The following LAMC3 variants were observed in gnomAD, a reference collection of about 807,000 sequenced individuals.
The protein encoded by LAMC3 is laminin subunit gamma 3.
Under a neutral mutation model 173.8 loss-of-function variants are expected in LAMC3, and 128 were observed. The observed-to-expected ratio is 0.74, with a 90% CI of 0.64 to 0.85. The LOEUF is 0.85. Ranked by LOEUF, LAMC3 falls within the 40% of genes least tolerant of loss-of-function variation. LAMC3 has a pLI of 0.00. For synonymous variants in LAMC3, 897 were observed against 909.1 expected (o/e 0.99, Z 0.24); for missense variants, 2,022 against 2,156.0 (o/e 0.94, Z 1.23).
At chr9:131,089,234 T>C (rs1188895151) in intron 27 of LAMC3, among the ~76,000 whole-genome samples, 1 of 150,848 alleles carries the variant, frequency 6.6e-6, no homozygotes, top group Non-Finnish European at 1.5e-5. Context: ...AAATGACCAG[T>C]TAATGGGTGC....
Position 131,085,586 on chromosome 9 carries a change from G to A in LAMC3, c.4093G>A (p.Val1365Ile), listed in dbSNP as rs148481163. 182 of 1,613,998 alleles carry A rather than the reference G, an allele frequency of 1.1e-4. No individual in the cohort carries two copies. Among genetic ancestry groups the A allele is most frequent in the African/African-American group, 1.5e-4 (11 of 74,928 alleles). The change falls in exon 25 of 28, where the codon GTC (valine) becomes ATC (isoleucine). Residue 1365 changes from valine to isoleucine, a missense_variant. Coordinates refer to ENST00000361069, the MANE Select transcript of LAMC3 (RefSeq NM_006059.4). ...QAALQRKADS[V>I]SDRLLADTRK... The stretch of plus-strand genomic sequence containing the variant: ...GGCATTGCAGAGGAAGGCAGACTCC[G>A]TCAGTGACAGACTCCTTGCAGACAC...
At position 131,026,433 on chromosome 9, in the gene LAMC3, C is replaced by G. The variant is rs2275136; in HGVS notation, c.522C>G (p.Pro174=). 0.13 allele frequency: 214,032 copies of G among 1,613,492 alleles called. 15,942 individuals carry two copies. The highest frequency in any genetic ancestry group is 0.29 in the African/African-American group (21,421 of 74,978). ...SASCQKTYGR[P]EGQYLRPGED... Reference sequence around the variant, plus strand: ...CCTGCCAGAAGACCTACGGCCGGCCCGAGGGCCAGTACCTGCGCCCCGGCG... The same window carrying G: ...CCTGCCAGAAGACCTACGGCCGGCCGGAGGGCCAGTACCTGCGCCCCGGCG... Residue 174 remains proline, a synonymous_variant, in exon 2 of 28, where the codon CCC becomes CCG. Coordinates refer to ENST00000361069, the MANE Select transcript of LAMC3 (RefSeq NM_006059.4). This position sits in a 1 kb window ranked among gnomAD's most constrained non-coding sequence, Gnocchi z 4.8.
intron 9 of LAMC3, 121 bp downstream of exon 9, chr9:131,049,251 G>T (rs1316404064): frequency 4.1e-6 from 3 of 724,966 alleles, no homozygotes; most frequent in Non-Finnish European, 7.6e-6. Flanking sequence ...TTCTGGAGAA[G>T]TCAGAAATAG....
In LAMC3 at chr9:131,041,520, C is replaced by A. The variant is rs1025261671; in HGVS notation, c.1284-117C>A. The A allele has an allele frequency of 4.6e-6, 4 of 878,838 alleles. No homozygotes were observed. The East Asian group carries it at 1.1e-4, about 23-fold the overall frequency. 54.4% of individuals were successfully genotyped at this position (878,838 alleles called of 1,614,324 possible). ...GGGAACAGTAAAGCCAGGTCAGTTA[C>A]CTGCGTCAGCCTCACTCCTGATGTT... On this transcript the variant is annotated intron_variant, in intron 6 of 27. Coordinates refer to ENST00000361069, the MANE Select transcript of LAMC3 (RefSeq NM_006059.4).
intron 1 of LAMC3, among the ~76,000 whole-genome samples, chr9:131,024,591 G>A (rs1833686132): frequency 6.6e-6 from 1 of 152,146 alleles, no homozygotes; most frequent in Admixed American, 6.5e-5. Flanking sequence ...TAGAAAGCCG[G>A]CCATGGGGAG....
intron 24 of LAMC3, among the ~76,000 whole-genome samples, chr9:131,084,122 A>T (rs1316985966): frequency 6.7e-6 from 1 of 148,780 alleles, no homozygotes; most frequent in African/African-American, 2.5e-5. Context: ...ACCTCTGGTG[A>T]TCTACCTGCC....
intron 4 of LAMC3, among the ~76,000 whole-genome samples, chr9:131,038,381 C>CA (rs1429245267): frequency 6.6e-6 from 1 of 152,216 alleles, no homozygotes; most frequent in Admixed American, 6.5e-5. Context: ...GGAGCCAAGA[C>CA]AGAGCCAGTC....
At position 131,087,851 on chromosome 9, in the gene LAMC3, T is replaced by C. The variant is rs1324623686; in HGVS notation, c.4477+34T>C. ...GCCCTAAGGCTGGGCCCTGAACCCC[T>C]GGGTCCCTGGGGCACCTCTAGGATC... On this transcript the variant is annotated intron_variant, in intron 27 of 27. Coordinates refer to ENST00000361069, the MANE Select transcript of LAMC3 (RefSeq NM_006059.4). 3 of 1,543,088 alleles carry C rather than the reference T, an allele frequency of 1.9e-6. No homozygotes were observed. The East Asian group carries it at 6.7e-5, about 35-fold the overall frequency.
Position 131,082,072 on chromosome 9 carries a change from C to G in LAMC3, c.3941C>G (p.Ala1314Gly). 3 of 1,613,598 alleles carry G rather than the reference C, an allele frequency of 1.9e-6. No individual in the cohort carries two copies. The highest frequency in any genetic ancestry group is 2.5e-6 in the Non-Finnish European group (3 of 1,179,742). ...ATCTCTCTCCAGCTGCACCAGGAGG[C>G]CAGAGCCGCCCTGACCCAGGCTTCC... is the stretch of plus-strand genomic sequence containing the variant. ...TEPLTKLHQE[A>G]RAALTQASSS... The change falls in exon 24 of 28, where the codon GCC (alanine) becomes GGC (glycine). Residue 1314 changes from alanine to glycine, a missense_variant. Ala to Gly is a moderately conservative substitution (Grantham distance 60, BLOSUM62 0). Transcript: ENST00000361069.
In LAMC3 at chr9:131,069,850, G is replaced by A; in HGVS notation, c.3069G>A (p.Glu1023=). The change falls in exon 17 of 28, where the codon GAG becomes GAA. Residue 1023 remains glutamate (E), a splice_region_variant and synonymous_variant. Coordinates refer to ENST00000361069, the MANE Select transcript of LAMC3 (RefSeq NM_006059.4). ...CPSCYALVKE[E]AAKLKARLTL... is the part of the protein sequence containing the mutation. ...CCTGCTACGCCCTGGTGAAGGAGGA[G>A]GTGAGTCGGCCCAGACCCACTCACC... is the stretch of plus-strand genomic sequence containing the variant. 1 of 1,584,398 alleles carries A rather than the reference G, an allele frequency of 6.3e-7. No individual in the cohort carries two copies. The highest frequency in any genetic ancestry group is 8.6e-7 in the Non-Finnish European group (1 of 1,164,914).
intron 3 of LAMC3, among the ~76,000 whole-genome samples, 178 bp downstream of exon 3, chr9:131,032,353 G>A (rs913033266): frequency 6.6e-6 from 1 of 152,016 alleles, no homozygotes; most frequent in Non-Finnish European, 1.5e-5. Context: ...ACCTCCTGCC[G>A]GGTCCCCTGC....
At chr9:131,024,499 T>C (rs1833684991) in intron 1 of LAMC3, among the ~76,000 whole-genome samples, 1 of 152,088 alleles carries the variant, frequency 6.6e-6, no homozygotes, top group Non-Finnish European at 1.5e-5. Context: ...GGGTGGCTTG[T>C]CCTCGGCACC....
Position 131,038,970 on chromosome 9 carries a change from G to A in LAMC3, c.1083G>A (p.Gly361=), listed in dbSNP as rs1222508705. The A allele has an allele frequency of 6.2e-7, 1 of 1,613,446 alleles. No homozygotes were observed. Among genetic ancestry groups the A allele is most frequent in the Non-Finnish European group, 8.5e-7 (1 of 1,179,992 alleles). The change falls in exon 5 of 28, where the codon GGG becomes GGA. Residue 361 remains glycine, a synonymous_variant. Transcript: ENST00000361069. ...ACCACTGCCGTGACCACACAGCTGG[G>A]CCACACTGTGAGCGCTGTCAGGAGA... ...RCHHCRDHTA[G]PHCERCQENF...
chr9:131,053,302 G>A (rs998476468), intron 11 of LAMC3, among the ~76,000 whole-genome samples: 4 of 152,142 alleles, frequency 2.6e-5, no homozygotes, highest in Middle Eastern at 3.2e-3. Context: ...CCCTGTCCCC[G>A]CTGGACACAG....
chr9:131,042,045 A>C (rs918694533), intron 7 of LAMC3, among the ~76,000 whole-genome samples: 15 of 152,192 alleles, frequency 9.9e-5, no homozygotes, highest in African/African-American at 3.6e-4. Flanking sequence ...TAATCCAGGG[A>C]TAGTAAATAG....
In LAMC3 at chr9:131,057,066, A is replaced by T. The variant is rs1398076783; in HGVS notation, c.2077A>T (p.Arg693Trp). 1 of 1,614,058 alleles carries T rather than the reference A, an allele frequency of 6.2e-7. No individual in the cohort carries two copies. The highest frequency in any genetic ancestry group is 8.5e-7 in the Non-Finnish European group (1 of 1,180,042). ...TGAATCCTGTGCTCCGGGATACAAG[A>T]GGGAGATGCCACAGGGGGGTCCCTA... Reference protein sequence around the residue: ...FCESCAPGYKREMPQGGPYAS... With the variant: ...FCESCAPGYKWEMPQGGPYAS... Residue 693 changes from arginine (R) to tryptophan (W), a missense_variant, in exon 12 of 28, where the codon AGG becomes TGG. Transcript: ENST00000361069.
At position 131,088,877 on chromosome 9, in the gene LAMC3, T is replaced by C. The variant is rs375176051; in HGVS notation, c.4477+1060T>C. Among the ~76,000 whole-genome samples the C allele has an allele frequency of 3.0e-4, 46 of 151,706 alleles. No individual in the cohort carries two copies. In the East Asian group the frequency reaches 4.5e-3, roughly 15 times the overall value. The stretch of plus-strand genomic sequence containing the variant: ...TGGGTGGATCATTTGAGGTCAGGAG[T>C]TTGAGACCAGCCTGACCAACATGGT... On this transcript the variant is annotated intron_variant, in intron 27 of 27. Coordinates refer to ENST00000361069, the MANE Select transcript of LAMC3 (RefSeq NM_006059.4).
At chr9:131,056,728 G>T (rs1456684517) in intron 11 of LAMC3, among the ~76,000 whole-genome samples, 1 of 152,006 alleles carries the variant, frequency 6.6e-6, no homozygotes, top group Non-Finnish European at 1.5e-5. Flanking sequence ...AGGAGTCGAG[G>T]CTACAGAGCT....
intron 20 of LAMC3, among the ~76,000 whole-genome samples, chr9:131,074,744 G>A (rs1420564456): frequency 6.6e-6 from 1 of 150,952 alleles, no homozygotes; most frequent in Non-Finnish European, 1.5e-5. Context: ...TAAAAACACA[G>A]GATCTGTGAC....
Sources: gnomAD v4.1 joint callset for allele counts (sites outside exome capture counted in the v4.1 genomes callset) on GRCh38, gnomAD v4.1.1 for gene constraint, Gnocchi (gnomAD v3.1) non-coding constraint, MANE v1.5 for transcripts, NCBI Gene and HGNC (gene_info 2026-07-23, HGNC 2026-07-21) for gene names.